The following CLK3 variants were observed in gnomAD, a reference collection of about 807,000 sequenced individuals.
CLK3 encodes the protein dual specificity protein kinase CLK3.
In CLK3, 24 loss-of-function variants were observed where a neutral mutation model predicts 65.2. That is an observed-to-expected ratio of 0.37 (90% CI 0.27 to 0.52). The LOEUF (loss-of-function observed/expected upper bound fraction) is 0.52. Among genes scored for constraint, CLK3 ranks in the 20% least tolerant of loss-of-function variants. The pLI is 0.92. For synonymous variants in CLK3, 252 were observed against 240.8 expected (o/e 1.05, Z -0.43); for missense variants, 506 against 660.0 (o/e 0.77, Z 2.56).
rs780751718 is a variant in CLK3 at position 74,622,244 on chromosome 15, C to G, written c.466+28C>G. 1.9e-6 allele frequency: 3 copies of G among 1,596,902 alleles called. No individual in the cohort carries two copies. Among genetic ancestry groups the G allele is most frequent in the South Asian group, 1.1e-5 (1 of 90,470 alleles). ...ACAGCCACCTTTCGTAAAACTTTAC[C>G]TCTCTACTTTCTACCCCCCTTGTTA... On this transcript the variant is annotated intron_variant, in intron 4 of 12. Transcript: ENST00000395066. The surrounding 1 kb of genome is among the most constrained non-coding windows in gnomAD (Gnocchi z 4.6).
intron 1 of CLK3, among the ~76,000 whole-genome samples, chr15:74,616,330 C>T (rs1011856990): frequency 6.6e-6 from 1 of 152,282 alleles, no homozygotes; most frequent in African/African-American, 2.4e-5. Context: ...CCCCGGGTCT[C>T]CCCTCGGCGC....
chr15:74,625,064 T>C, intron 6 of CLK3, 46 bp downstream of exon 6: 1 of 1,433,160 alleles, frequency 7.0e-7, no homozygotes, highest in Non-Finnish European at 9.8e-7. Context: ...GTGGGGCTGC[T>C]GGACCCCCAG....
intron 6 of CLK3, 61 bp downstream of exon 6, chr15:74,625,079 T>A (rs113590481): frequency 5.5e-6 from 7 of 1,263,550 alleles, no homozygotes; most frequent in African/African-American, 4.4e-5. Context: ...CCCCAGGGGC[T>A]TAGTAGTGTG....
upstream of CLK3, among the ~76,000 whole-genome samples, chr15:74,613,825 A>G (rs79624131): frequency 4.4e-3 from 666 of 152,018 alleles, 2 homozygotes; most frequent in African/African-American, 0.015. Context: ...GAGGCCTCCT[A>G]CTCCACCTCA....
chr15:74,609,165 G>GCCTCCA (rs2061952382), intron 1 of CLK3, among the ~76,000 whole-genome samples: 1 of 152,174 alleles, frequency 6.6e-6, no homozygotes, highest in African/African-American at 2.4e-5. Context: ...TTGTGGCTCA[G>GCCTCCA]CCTCCACCAG....
chr15:74,609,644 C>G (rs184206004), intron 1 of CLK3, among the ~76,000 whole-genome samples: 2 of 152,362 alleles, frequency 1.3e-5, no homozygotes, highest in Admixed American at 1.3e-4. Flanking sequence ...GGACTGTGTC[C>G]TGAGCCTGGG....
At chr15:74,619,383 T>C (rs199899941) in intron 2 of CLK3, 35 bp downstream of exon 2, 97 of 1,609,328 alleles carry the variant, frequency 6.0e-5, no homozygotes, top group Non-Finnish European at 1.7e-5. Flanking sequence ...AAAGACTCCT[T>C]CTGTCAGCTG....
upstream of CLK3, among the ~76,000 whole-genome samples, chr15:74,612,425 T>C (rs1444094464): frequency 1.3e-5 from 2 of 152,058 alleles, no homozygotes; most frequent in Non-Finnish European, 2.9e-5. Context: ...TTGCCATCCC[T>C]ACACCCCTCA....
At chr15:74,609,312 G>A (rs1036509376) in intron 1 of CLK3, among the ~76,000 whole-genome samples, 6 of 152,216 alleles carry the variant, frequency 3.9e-5, no homozygotes, top group Non-Finnish European at 7.4e-5. Context: ...TCCAGGCTAC[G>A]ACTCTGGACC....
In CLK3 at chr15:74,625,715, G is replaced by T. The variant is rs1476680442; in HGVS notation, c.651-87G>T. 5 of 1,445,066 alleles carry T rather than the reference G, an allele frequency of 3.5e-6. No individual in the cohort carries two copies. In the East Asian group the frequency reaches 6.8e-5, roughly 20 times the overall value. The allele number at this position is 1,445,066 out of a possible 1,614,324, so 89.5% of individuals were successfully genotyped here. A position where few individuals can be genotyped will look rare whatever the true frequency, so the allele number is the denominator to read the frequency against. On this transcript the variant is annotated intron_variant, in intron 6 of 12. Transcript: ENST00000395066. ...TGGTGTGTGACCCGGTGGCCTAGGA[G>T]AGAGTTGGGAACTGTCTTCATCTGA... is the stretch of plus-strand genomic sequence containing the variant.
Position 74,628,004 on chromosome 15 carries a change from C to T in CLK3, c.1077C>T (p.Ser359=). The part of the protein sequence containing the change: ...LGWAQPCDVW[S]IGCILFEYYR... ...GGGCACAGCCCTGTGACGTCTGGAGCATTGGCTGCATTCTCTTTGAGTACT... is the reference window on the plus strand; with the variant it reads ...GGGCACAGCCCTGTGACGTCTGGAGTATTGGCTGCATTCTCTTTGAGTACT... Residue 359 remains serine, a synonymous_variant, in exon 10 of 13, where the codon AGC becomes AGT. Coordinates refer to ENST00000395066, the MANE Select transcript of CLK3 (RefSeq NM_001130028.2). The T allele has an allele frequency of 6.2e-7, 1 of 1,613,884 alleles. No homozygotes were observed. The highest frequency in any genetic ancestry group is 8.5e-7 in the Non-Finnish European group (1 of 1,179,746).
chr15:74,624,863 G>A lies in CLK3; in HGVS notation c.534-39G>A, dbSNP rs1367386745. 6.8e-7 allele frequency: 1 copy of A among 1,475,484 alleles called. No individual in the cohort carries two copies. The highest frequency in any genetic ancestry group is 9.4e-7 in the Non-Finnish European group (1 of 1,066,152). The allele number at this position is 1,475,484 out of a possible 1,614,324, so 91.4% of individuals were successfully genotyped here. A position where few individuals can be genotyped will look rare whatever the true frequency, so the allele number is the denominator to read the frequency against. ...TGGAGGGTTGGGGAAGGACTGGGCA[G>A]CTGCTGATGAGAACCTCTGTTTCCT... On this transcript the variant is annotated intron_variant, in intron 5 of 12. Coordinates refer to ENST00000395066, the MANE Select transcript of CLK3 (RefSeq NM_001130028.2). This position sits in a 1 kb window ranked among gnomAD's most constrained non-coding sequence, Gnocchi z 4.2.
At chr15:74,619,889 TG>T in intron 2 of CLK3, 119 bp from the exon 3 acceptor site, 1 of 1,499,808 alleles carries the variant, frequency 6.7e-7, no homozygotes. Context: ...TTCCCACCAG[TG>T]TGGATGCTTT....
In CLK3 at chr15:74,627,728, C is replaced by T; in HGVS notation, c.1042+60C>T. The T allele has an allele frequency of 3.1e-6, 5 of 1,600,876 alleles. No individual in the cohort carries two copies. The highest frequency in any genetic ancestry group is 2.6e-6 in the Non-Finnish European group (3 of 1,170,218). On this transcript the variant is annotated intron_variant, in intron 9 of 12. Coordinates refer to ENST00000395066, the MANE Select transcript of CLK3 (RefSeq NM_001130028.2). The surrounding 1 kb of genome is among the most constrained non-coding windows in gnomAD (Gnocchi z 4.3). Reference sequence around the variant, plus strand: ...TGGACTGTTGTTGGGAGGGTATGAGCAGAGGCAGTGGCATGCCTGTCATTC... The same window carrying T: ...TGGACTGTTGTTGGGAGGGTATGAGTAGAGGCAGTGGCATGCCTGTCATTC...
intron 2 of CLK3, 38 bp downstream of exon 2, chr15:74,619,386 G>A: frequency 2.5e-6 from 4 of 1,608,804 alleles, no homozygotes; most frequent in Non-Finnish European, 3.4e-6. Flanking sequence ...GACTCCTTCT[G>A]TCAGCTGGGC....
At chr15:74,625,044 G>C (rs746086244) in intron 6 of CLK3, 26 bp downstream of exon 6, 1 of 1,559,212 alleles carries the variant, frequency 6.4e-7, no homozygotes, top group Admixed American at 1.7e-5. Context: ...GAGTGGGAGG[G>C]AAGCCTTCAG....
upstream of CLK3, chr15:74,613,195 G>A (rs570753500): frequency 5.2e-5 from 8 of 152,582 alleles, 1 homozygote; most frequent in African/African-American, 1.2e-4. Context: ...TGGTGGAAGT[G>A]GAGGTGGGGG....
Position 74,627,481 on chromosome 15 carries a change from G to C in CLK3, c.912+35G>C, listed in dbSNP as rs375613018. On this transcript the variant is annotated intron_variant, in intron 8 of 12. Transcript: ENST00000395066. This position sits in a 1 kb window ranked among gnomAD's most constrained non-coding sequence, Gnocchi z 4.3. ...GGGGTAAGGGTGAGGCCCTGTTTCAGGGGTGGGTTACCCGCTGGTGCAGAC... is the reference window on the plus strand; with the variant it reads ...GGGGTAAGGGTGAGGCCCTGTTTCACGGGTGGGTTACCCGCTGGTGCAGAC... The C allele has an allele frequency of 6.2e-7, 1 of 1,614,096 alleles. No homozygotes were observed. Among genetic ancestry groups the C allele is most frequent in the East Asian group, 2.2e-5 (1 of 44,904 alleles).
At chr15:74,619,034 A>G (rs148107950) in intron 1 of CLK3, 163 bp from the exon 2 acceptor site, 1 of 739,572 alleles carries the variant, frequency 1.4e-6, no homozygotes, top group African/African-American at 1.8e-5. Flanking sequence ...CTGTTTGACC[A>G]GTGTGACCTC....
Sources: gnomAD v4.1 joint callset for allele counts (sites outside exome capture counted in the v4.1 genomes callset) on GRCh38, gnomAD v4.1.1 for gene constraint, Gnocchi (gnomAD v3.1) non-coding constraint, MANE v1.5 for transcripts, NCBI Gene and HGNC (gene_info 2026-07-23, HGNC 2026-07-21) for gene names.